The following TTC28 variants were observed in gnomAD, a reference collection of about 807,000 sequenced individuals.
The protein encoded by TTC28 is tetratricopeptide repeat domain 28.
A neutral mutation model predicts 198.0 loss-of-function variants in TTC28; 61 were observed. The ratio of observed to expected loss-of-function variants is 0.31; its 90% CI spans 0.25 to 0.38. The LOEUF (loss-of-function observed/expected upper bound fraction) is 0.38, where lower values mean the gene tolerates loss of function less well. Among genes scored for constraint, TTC28 ranks in the 10% least tolerant of loss-of-function variants. TTC28 has a pLI of 1.00. For synonymous variants in TTC28, 1,171 were observed against 1,297.8 expected (o/e 0.90, Z 2.10); for missense variants, 2,678 against 3,164.0 (o/e 0.85, Z 3.69).
Position 28,101,190 on chromosome 22 carries a change from A to G in TTC28, c.3398T>C (p.Leu1133Ser). The change falls in exon 9 of 23, where the codon TTG (leucine) becomes TCG (serine). Residue 1133 changes from leucine to serine, a missense_variant. Leu to Ser is a moderately radical substitution (Grantham distance 145). Transcript: ENST00000397906. The stretch of plus-strand genomic sequence containing the variant: ...GCTTACCTGGTGTTGGGCCTCCTCC[A>G]AGTTTCCACTAGCCCAAAGGGAGAG... Reference protein sequence around the residue: ...LGLSLWASGNLEEAQHQLYRA... With the variant: ...LGLSLWASGNSEEAQHQLYRA... The G allele has an allele frequency of 1.3e-6, 2 of 1,551,000 alleles. No individual in the cohort carries two copies. Among genetic ancestry groups the G allele is most frequent in the South Asian group, 2.4e-5 (2 of 83,736 alleles).
chr22:28,376,730 G>A (rs1201286412), intron 2 of TTC28, among the ~76,000 whole-genome samples: 1 of 152,168 alleles, frequency 6.6e-6, no homozygotes, highest in Non-Finnish European at 1.5e-5. Context: ...AGAGCTCAGA[G>A]AAGCCAAAGT....
At chr22:28,589,986 C>T (rs1174345739) in intron 2 of TTC28, among the ~76,000 whole-genome samples, 1 of 135,592 alleles carries the variant, frequency 7.4e-6, no homozygotes, top group South Asian at 2.3e-4. Context: ...ACAGTGAGCC[C>T]AGATCATGCC....
At chr22:28,558,412 G>T (rs375604832) in intron 2 of TTC28, among the ~76,000 whole-genome samples, 1 of 152,190 alleles carries the variant, frequency 6.6e-6, no homozygotes, top group Non-Finnish European at 1.5e-5. Context: ...AGTGGCTCAC[G>T]CCTGTAATCC....
chr22:28,085,882 C>A (rs1389292047), intron 12 of TTC28, among the ~76,000 whole-genome samples: 1 of 152,084 alleles, frequency 6.6e-6, no homozygotes, highest in African/African-American at 2.4e-5. Flanking sequence ...ATAAAACAGA[C>A]TTTAAACCAA....
intron 12 of TTC28, among the ~76,000 whole-genome samples, chr22:28,038,180 T>A (rs912404784): frequency 1.3e-5 from 2 of 152,156 alleles, no homozygotes; most frequent in Non-Finnish European, 2.9e-5. Flanking sequence ...TTAAAGTTCA[T>A]AAGCAACCAA....
chr22:28,225,640 AT>A (rs1928277598), intron 5 of TTC28, among the ~76,000 whole-genome samples: 1 of 152,238 alleles, frequency 6.6e-6, no homozygotes, highest in Non-Finnish European at 1.5e-5. Flanking sequence ...TTGACAAAAA[AT>A]AAATAACATA....
intron 2 of TTC28, among the ~76,000 whole-genome samples, chr22:28,518,369 G>A (rs1190816948): frequency 1.3e-5 from 2 of 152,098 alleles, no homozygotes; most frequent in Non-Finnish European, 1.5e-5. Flanking sequence ...TAATCCCAGC[G>A]CTTTGGGAGG....
chr22:28,211,617 C>T (rs1328197649), intron 5 of TTC28, among the ~76,000 whole-genome samples: 3 of 152,092 alleles, frequency 2.0e-5, no homozygotes, highest in African/African-American at 4.8e-5. Context: ...TACAGGAGCA[C>T]CCAGATTCAT....
At chr22:28,191,092 C>A (rs1474497293) in intron 5 of TTC28, among the ~76,000 whole-genome samples, 1 of 152,172 alleles carries the variant, frequency 6.6e-6, no homozygotes, top group Non-Finnish European at 1.5e-5. Flanking sequence ...ACCTAGACCT[C>A]CTGGCATATT....
intron 12 of TTC28, among the ~76,000 whole-genome samples, chr22:28,035,879 A>G (rs1939320851): frequency 6.6e-6 from 1 of 152,232 alleles, no homozygotes; most frequent in Admixed American, 6.5e-5. Flanking sequence ...AAAGATCAAA[A>G]GAGACAAAGA....
At chr22:28,074,239 G>A (rs1326711641) in intron 12 of TTC28, among the ~76,000 whole-genome samples, 1 of 152,094 alleles carries the variant, frequency 6.6e-6, no homozygotes, top group Non-Finnish European at 1.5e-5. Context: ...AAAAAAGACT[G>A]GGGAATTTTT....
rs368647585 is a variant in TTC28 at position 28,117,342 on chromosome 22, TTACTC to T, written c.1442-8944_1442-8940del. Among the ~76,000 whole-genome samples the T allele has an allele frequency of 3.2e-3, 493 of 152,332 alleles. 4 individuals are homozygous for T. The highest frequency in any genetic ancestry group is 0.011 in the African/African-American group (452 of 41,570). ...TTAAGCCACTAAGATTTATGGGCTG[TTACTC>T]TATTAGCACCTAGCACATCCTGATA... is the stretch of plus-strand genomic sequence containing the variant. On this transcript the variant is annotated intron_variant, in intron 6 of 22. Coordinates refer to ENST00000397906, the MANE Select transcript of TTC28 (RefSeq NM_001145418.2).
chr22:28,166,829 G>T (rs187932569), intron 5 of TTC28, among the ~76,000 whole-genome samples: 10 of 152,286 alleles, frequency 6.6e-5, no homozygotes, highest in Admixed American at 3.9e-4. Context: ...GATCAGAGCA[G>T]AACTGAAGGA....
intron 2 of TTC28, among the ~76,000 whole-genome samples, chr22:28,418,217 A>G (rs1480256290): frequency 1.3e-5 from 2 of 152,186 alleles, no homozygotes; most frequent in African/African-American, 4.8e-5. Flanking sequence ...TGTCTTCAGC[A>G]TCTTATGGAA....
chr22:28,519,080 A>T (rs1249860338), intron 2 of TTC28, among the ~76,000 whole-genome samples: 3 of 152,328 alleles, frequency 2.0e-5, no homozygotes, highest in East Asian at 3.9e-4. Context: ...TCTAAGCAAT[A>T]GCAGATCAGA....
rs554358871 is a variant in TTC28, at chr22:28,603,382, TTTTTGTTTTTTG to T, written c.381+26158_381+26169del. Among the ~76,000 whole-genome samples, 471 of 152,084 alleles carry T rather than the reference TTTTTGTTTTTTG, an allele frequency of 3.1e-3. 2 individuals carry two copies. Among genetic ancestry groups the T allele is most frequent in the Non-Finnish European group, 4.9e-3 (333 of 67,964 alleles). ...TACAGGTCAATTTTCTTTCTTTTTT[TTTTTGTTTTTTG>T]TTTTGTTTTTTGAGACAGGGCTTCA... On this transcript the variant is annotated intron_variant, in intron 2 of 22. Transcript: ENST00000397906.
At chr22:28,479,639 C>A (rs2048217991) in intron 2 of TTC28, among the ~76,000 whole-genome samples, 3 of 152,152 alleles carry the variant, frequency 2.0e-5, no homozygotes, top group Admixed American at 2.0e-4. Context: ...AACATTTTCA[C>A]GGGGCAGTAG....
chr22:28,603,011 G>C (rs2050666195), intron 2 of TTC28, among the ~76,000 whole-genome samples: 1 of 152,070 alleles, frequency 6.6e-6, no homozygotes, highest in Admixed American at 6.5e-5. Flanking sequence ...TCCTGAAGTA[G>C]CTGGGATTAC....
At chr22:28,552,509 T>C (rs532289315) in intron 2 of TTC28, among the ~76,000 whole-genome samples, 2 of 152,254 alleles carry the variant, frequency 1.3e-5, no homozygotes, top group African/African-American at 4.8e-5. Context: ...CAAAACAGCC[T>C]GGTACTGGTA....
Sources: gnomAD v4.1 joint callset for allele counts (sites outside exome capture counted in the v4.1 genomes callset) on GRCh38, gnomAD v4.1.1 for gene constraint, MANE v1.5 for transcripts, NCBI Gene and HGNC (gene_info 2026-07-23, HGNC 2026-07-21) for gene names.